TMEM260: variants seen among roughly 807,000 people sequenced by gnomAD.
TMEM260 encodes protein O-mannosyl-transferase TMEM260.
In TMEM260, 82 loss-of-function variants were observed where a neutral mutation model predicts 88.9. That is an observed-to-expected ratio of 0.92 (90% confidence interval 0.77 to 1.11). The LOEUF is 1.11. Ranked by LOEUF, TMEM260 falls within the 50% of genes least tolerant of loss-of-function variation. The probability of loss-of-function intolerance (pLI) is 0.00; values close to 1 mark genes in which losing one functional copy is unlikely to be tolerated. For synonymous variants in TMEM260, 314 were observed against 309.3 expected, an observed-to-expected ratio of 1.02 and a Z score of -0.16; for missense variants, 902 against 853.4, an observed-to-expected ratio of 1.06 and a Z score of -0.71.
Position 56,647,889 on chromosome 14 carries a change from T to TAATA in TMEM260, c.*393_*396dup, listed in dbSNP as rs1266689460. 6.2e-6 allele frequency: 1 copy of TAATA among 160,456 alleles called. No homozygotes were observed. Among genetic ancestry groups the TAATA allele is most frequent in the Non-Finnish European group, 1.4e-5 (1 of 73,288 alleles). The allele number at this position is 160,456 out of a possible 1,614,324, so 9.9% of individuals were successfully genotyped here. Reference sequence around the variant, plus strand: ...TTTTAAAGTTAAATTCTTTTGATATTAATACCAGACCAAAGACATTTTCTG... The same window carrying TAATA: ...TTTTAAAGTTAAATTCTTTTGATATTAATAAATACCAGACCAAAGACATTTTCTG... On this transcript the variant is annotated 3_prime_UTR_variant, in exon 16 of 16. Coordinates refer to ENST00000261556, the MANE Select transcript of TMEM260 (RefSeq NM_017799.4).
At chr14:56,599,649 T>G (rs746729042) in intron 3 of TMEM260, among the ~76,000 whole-genome samples, 1 of 152,222 alleles carries the variant, frequency 6.6e-6, no homozygotes, top group Non-Finnish European at 1.5e-5. Context: ...TCTGATAAAC[T>G]GGCTCATGAT....
the TMEM260 span, among the ~76,000 whole-genome samples, chr14:56,659,312 C>T: frequency 1.4e-5 from 2 of 147,550 alleles, no homozygotes; most frequent in South Asian, 2.1e-4. Context: ...TCCCCCTTTA[C>T]TCCTTGTCAT....
chr14:56,622,342 C>CAAAAAA (rs71448489), intron 11 of TMEM260, among the ~76,000 whole-genome samples: 2 of 87,244 alleles, frequency 2.3e-5, no homozygotes, highest in African/African-American at 4.9e-5. Flanking sequence ...GACTCCGTCT[C>CAAAAAA]AAAAAAAAAA....
chr14:56,645,521 A>C (rs1026124181), intron 15 of TMEM260, among the ~76,000 whole-genome samples: 1 of 152,146 alleles, frequency 6.6e-6, no homozygotes, highest in African/African-American at 2.4e-5. Flanking sequence ...GAGGGATAGC[A>C]TTAGGAGATA....
chr14:56,629,425 G>A (rs1311898132), intron 12 of TMEM260, among the ~76,000 whole-genome samples: 1 of 151,742 alleles, frequency 6.6e-6, no homozygotes, highest in African/African-American at 2.4e-5. Flanking sequence ...TACATATTAT[G>A]TCAGATAGGG....
intron 3 of TMEM260, among the ~76,000 whole-genome samples, chr14:56,590,001 G>A (rs1466459254): frequency 6.6e-6 from 1 of 152,116 alleles, no homozygotes; most frequent in African/African-American, 2.4e-5. Flanking sequence ...CCTAATTTCA[G>A]AAGTAACTAT....
At chr14:56,610,895 C>T (rs1887218331) in intron 6 of TMEM260, among the ~76,000 whole-genome samples, 1 of 151,244 alleles carries the variant, frequency 6.6e-6, no homozygotes, top group South Asian at 2.1e-4. Flanking sequence ...AATTTATTAA[C>T]ATGTAAATCA....
chr14:56,608,852 C>T (rs370178840), intron 5 of TMEM260, among the ~76,000 whole-genome samples: 1 of 152,282 alleles, frequency 6.6e-6, no homozygotes, highest in African/African-American at 2.4e-5. Context: ...AAACATGATA[C>T]TCATGAGCCT....
At chr14:56,580,118 T>A in intron 1 of TMEM260, 44 bp downstream of exon 1, 2 of 1,243,928 alleles carry the variant, frequency 1.6e-6, no homozygotes, top group Non-Finnish European at 2.0e-6. Context: ...TCTCCCCTGG[T>A]CCCAGAACGG....
chr14:56,579,923 C>T lies in TMEM260; in HGVS notation c.9C>T (p.Pro3=). ...TCGGTCGCCACTGGCCCATGAGTCCCCATGGCGACGGCAGGGGCCAGGCCC... is the reference window on the plus strand; with the variant it reads ...TCGGTCGCCACTGGCCCATGAGTCCTCATGGCGACGGCAGGGGCCAGGCCC... MS[P]HGDGRGQAQG... The change falls in exon 1 of 16, where the codon CCC becomes CCT. Residue 3 remains proline (P), a synonymous_variant. Coordinates refer to ENST00000261556, the MANE Select transcript of TMEM260 (RefSeq NM_017799.4). The T allele has an allele frequency of 8.1e-7, 1 of 1,234,492 alleles. No individual in the cohort carries two copies. Among genetic ancestry groups the T allele is most frequent in the Non-Finnish European group, 1.0e-6 (1 of 987,952 alleles). 76.5% of individuals were successfully genotyped at this position (1,234,492 alleles called of 1,614,324 possible). A position where few individuals can be genotyped will look rare whatever the true frequency, so the allele number is the denominator to read the frequency against.
At chr14:56,643,208 A>G (rs1017610891) in intron 15 of TMEM260, among the ~76,000 whole-genome samples, 1 of 152,086 alleles carries the variant, frequency 6.6e-6, no homozygotes, top group South Asian at 2.1e-4. Context: ...GAGACACAAC[A>G]AAAAGAATTT....
Position 56,647,687 on chromosome 14 carries a change from T to C in TMEM260, c.*190T>C. 1.7e-6 allele frequency: 1 copy of C among 598,794 alleles called. No homozygotes were observed. Among genetic ancestry groups the C allele is most frequent in the Non-Finnish European group, 2.7e-6 (1 of 365,482 alleles). 37.1% of individuals were successfully genotyped at this position (598,794 alleles called of 1,614,324 possible). A position where few individuals can be genotyped will look rare whatever the true frequency, so the allele number is the denominator to read the frequency against. On this transcript the variant is annotated 3_prime_UTR_variant, in exon 16 of 16. Coordinates refer to ENST00000261556, the MANE Select transcript of TMEM260 (RefSeq NM_017799.4). ...CTAAGGTCTGCTATTTATGCAAAAT[T>C]CTGTTTATCCCGTGTTACCAAATTA...
At chr14:56,628,579 A>T (rs1305680837) in intron 12 of TMEM260, among the ~76,000 whole-genome samples, 1 of 152,076 alleles carries the variant, frequency 6.6e-6, no homozygotes, top group African/African-American at 2.4e-5. Flanking sequence ...TACAAAGATT[A>T]TCCTTTCTTC....
intron 9 of TMEM260, 50 bp from the exon 10 acceptor site, chr14:56,618,544 A>T: frequency 6.4e-7 from 1 of 1,550,994 alleles, no homozygotes; most frequent in Non-Finnish European, 8.8e-7. Context: ...GAGCTGATTG[A>T]TAGCATTAAA....
chr14:56,615,089 T>C (rs1239274986), intron 7 of TMEM260, among the ~76,000 whole-genome samples: 1 of 152,224 alleles, frequency 6.6e-6, no homozygotes, highest in Non-Finnish European at 1.5e-5. Context: ...ATGGGCCTCA[T>C]GCTGGAATCA....
intron 10 of TMEM260, among the ~76,000 whole-genome samples, chr14:56,620,048 A>T (rs1264220529): frequency 6.6e-6 from 1 of 152,178 alleles, no homozygotes; most frequent in South Asian, 2.1e-4. Flanking sequence ...AGAAAACCTA[A>T]TACTGCATCT....
chr14:56,596,916 G>C (rs1023045711), intron 3 of TMEM260, among the ~76,000 whole-genome samples: 5 of 151,066 alleles, frequency 3.3e-5, no homozygotes, highest in Non-Finnish European at 7.4e-5. Flanking sequence ...CTTAAAATCT[G>C]GTTTCTTCAT....
rs1439806835 is a variant in TMEM260 at position 56,648,621 on chromosome 14, G to C, written c.*1124G>C. The C allele has an allele frequency of 2.6e-5, 4 of 152,638 alleles. No homozygotes were observed. The highest frequency in any genetic ancestry group is 6.5e-5 in the Admixed American group (1 of 15,270). The allele number at this position is 152,638 out of a possible 1,614,324, so 9.5% of individuals were successfully genotyped here. A position where few individuals can be genotyped will look rare whatever the true frequency, so the allele number is the denominator to read the frequency against. On this transcript the variant is annotated 3_prime_UTR_variant, in exon 16 of 16. Transcript: ENST00000261556. ...TTCAGCAAGAAAAGGCCCCTTACCA[G>C]GAATAGTCACAGTTCCGTGGCATTG...
intron 3 of TMEM260, among the ~76,000 whole-genome samples, chr14:56,591,415 CT>C (rs1885851229): frequency 6.6e-6 from 1 of 152,172 alleles, no homozygotes; most frequent in South Asian, 2.1e-4. Flanking sequence ...TACCCTCATT[CT>C]GTTGACTTTA....
Sources: gnomAD v4.1 joint callset for allele counts (sites outside exome capture counted in the v4.1 genomes callset) on GRCh38, gnomAD v4.1.1 for gene constraint, MANE v1.5 for transcripts, NCBI Gene and HGNC (gene_info 2026-07-23, HGNC 2026-07-21) for gene names.